Variants in FRMD6 observed in about 807,000 individuals in gnomAD.
The protein encoded by FRMD6 is FERM domain containing 6.
In FRMD6, 37 loss-of-function variants were observed where a neutral mutation model predicts 73.2. The ratio of observed to expected loss-of-function variants is 0.51; its 90% confidence interval spans 0.39 to 0.66. The LOEUF is 0.66. Among genes scored for constraint, FRMD6 ranks in the 30% least tolerant of loss-of-function variants. The pLI is 0.00. For synonymous variants in FRMD6, 273 were observed against 282.2 expected (o/e 0.97, Z 0.33); for missense variants, 714 against 780.5 (o/e 0.91, Z 1.02).
At chr14:51,705,609 A>C (rs1214274517) in intron 6 of FRMD6, among the ~76,000 whole-genome samples, 1 of 152,120 alleles carries the variant, frequency 6.6e-6, no homozygotes, top group Admixed American at 6.6e-5. Flanking sequence ...GGGGAGGGAA[A>C]GAAGAGCTAC....
At chr14:51,405,587 A>G in the FRMD6 span, among the ~76,000 whole-genome samples, 223 of 151,526 alleles carry the variant, frequency 1.5e-3, 1 homozygote, top group African/African-American at 5.3e-3. Context: ...TTTTTTTTCA[A>G]ATGTTTGTTT....
intron 2 of FRMD6, among the ~76,000 whole-genome samples, chr14:51,691,087 T>C (rs1249821966): frequency 1.3e-5 from 2 of 152,214 alleles, no homozygotes; most frequent in Admixed American, 6.5e-5. Context: ...TTTGCTTGTT[T>C]CTTAACTTCA....
chr14:51,569,231 G>A (rs2139574251), intron 1 of FRMD6, among the ~76,000 whole-genome samples: 1 of 152,240 alleles, frequency 6.6e-6, no homozygotes, highest in East Asian at 1.9e-4. Context: ...TTTCTGTATG[G>A]TTCTCAGAGT....
At chr14:51,683,028 A>G (rs971818008) in intron 1 of FRMD6, among the ~76,000 whole-genome samples, 7 of 152,172 alleles carry the variant, frequency 4.6e-5, no homozygotes, top group African/African-American at 1.7e-4. Context: ...ACACATTTCA[A>G]CCCATACACC....
At chr14:51,555,240 G>T (rs186146698) in intron 1 of FRMD6, among the ~76,000 whole-genome samples, 7 of 152,272 alleles carry the variant, frequency 4.6e-5, no homozygotes, top group Admixed American at 4.6e-4. Flanking sequence ...CTCCAAAGAA[G>T]AGTTCTACTA....
chr14:51,423,962 G>A, the FRMD6 span, among the ~76,000 whole-genome samples: 589 of 152,286 alleles, frequency 3.9e-3, 2 homozygotes, highest in East Asian at 8.7e-3. Flanking sequence ...CCTTGAGAAA[G>A]AACTTGTGTA....
At chr14:51,484,602 A>G (rs900584958), upstream of FRMD6, among the ~76,000 whole-genome samples, 1 of 152,236 alleles carries the variant, frequency 6.6e-6, no homozygotes, top group Admixed American at 6.5e-5. Context: ...GCAAATAGCA[A>G]CAGGAGAAGC....
At chr14:51,722,331 C>G (rs1897672785) in intron 12 of FRMD6, among the ~76,000 whole-genome samples, 2 of 152,152 alleles carry the variant, frequency 1.3e-5, no homozygotes, top group African/African-American at 4.8e-5. Context: ...GGTAGTTGAA[C>G]AGTAGGGTTC....
intron 1 of FRMD6, among the ~76,000 whole-genome samples, chr14:51,655,869 A>T (rs2140124880): frequency 6.6e-6 from 1 of 152,282 alleles, no homozygotes; most frequent in South Asian, 2.1e-4. Flanking sequence ...GTGTTAAATA[A>T]TGTGCAGGGA....
intron 1 of FRMD6, among the ~76,000 whole-genome samples, chr14:51,524,342 C>T (rs563792342): frequency 3.2e-4 from 48 of 152,072 alleles, no homozygotes; most frequent in African/African-American, 1.1e-3. Context: ...ATAGTAGTCA[C>T]TCAATAAATA....
chr14:51,470,686 A>T, the FRMD6 span, among the ~76,000 whole-genome samples: 7 of 152,118 alleles, frequency 4.6e-5, no homozygotes, highest in East Asian at 1.3e-3. Context: ...GCTGAATTCC[A>T]CAAATTTTGG....
chr14:51,599,056 G>GTTT (rs778270230), intron 2 of FRMD6, among the ~76,000 whole-genome samples: 2 of 69,562 alleles, frequency 2.9e-5, no homozygotes, highest in African/African-American at 1.4e-4. Context: ...GCCAGTATCT[G>GTTT]TCTTTTTTTT....
chr14:51,725,952 A>G, intron 13 of FRMD6, 82 bp downstream of exon 13: 1 of 929,534 alleles, frequency 1.1e-6, no homozygotes, highest in Non-Finnish European at 1.7e-6. Context: ...TATACAAATG[A>G]GCAAAAATTA....
At chr14:51,439,593 C>A in the FRMD6 span, among the ~76,000 whole-genome samples, 1 of 152,072 alleles carries the variant, frequency 6.6e-6, no homozygotes, top group Non-Finnish European at 1.5e-5. Context: ...AGTAAGTGAC[C>A]CACTAACGTG....
upstream of FRMD6, among the ~76,000 whole-genome samples, chr14:51,488,159 CA>C (rs1180029890): frequency 6.6e-6 from 1 of 152,164 alleles, no homozygotes; most frequent in Non-Finnish European, 1.5e-5. Context: ...CCCTTCCCAG[CA>C]AAAATTCCAG....
At chr14:51,402,285 G>C in the FRMD6 span, among the ~76,000 whole-genome samples, 1 of 152,154 alleles carries the variant, frequency 6.6e-6, no homozygotes, top group African/African-American at 2.4e-5. Context: ...ACTATCTCTG[G>C]CCAGGCAGCT....
chr14:51,725,683 G>T, intron 12 of FRMD6, 96 bp from the exon 13 acceptor site: 1 of 954,824 alleles, frequency 1.0e-6, no homozygotes, highest in South Asian at 1.4e-5. Context: ...GTTAATATTT[G>T]ATTTTTCATT....
In FRMD6 at chr14:51,493,928, G is replaced by A. The variant is rs571692635; in HGVS notation, c.-210+4508G>A. Among the ~76,000 whole-genome samples, 18 of 152,294 alleles carry A rather than the reference G, an allele frequency of 1.2e-4. No individual in the cohort carries two copies. The South Asian group carries it at 2.3e-3, about 19-fold the overall frequency. On this transcript the variant is annotated intron_variant, in intron 1 of 14. Coordinates refer to the FRMD6 transcript ENST00000356218. ...AGGCTGGAAAGTCCAAGAACAAGGT[G>A]CCAGCTGATATGGTGTCTGGTGAGG...
At chr14:51,419,778 T>G in the FRMD6 span, among the ~76,000 whole-genome samples, 1 of 152,190 alleles carries the variant, frequency 6.6e-6, no homozygotes, top group Non-Finnish European at 1.5e-5. Context: ...TACAATCTCT[T>G]GTGTTGTTAG....
Sources: allele counts gnomAD v4.1 joint callset (sites outside exome capture counted in the v4.1 genomes callset), GRCh38; gene constraint gnomAD v4.1.1; transcripts MANE v1.5; gene names NCBI Gene and HGNC (gene_info 2026-07-23, HGNC 2026-07-21).